Variants in ARHGAP28 observed in about 807,000 individuals in gnomAD.
ARHGAP28 encodes the protein rho GTPase-activating protein 28.
A neutral mutation model predicts 90.7 loss-of-function variants in ARHGAP28; 56 were observed. The ratio of observed to expected loss-of-function variants is 0.62; its 90% confidence interval spans 0.50 to 0.77. The LOEUF (loss-of-function observed/expected upper bound fraction) is 0.77. Among genes scored for constraint, ARHGAP28 ranks in the 30% least tolerant of loss-of-function variants. The pLI is 0.00. For missense variants in ARHGAP28, 869 were observed against 900.9 expected (o/e 0.96, Z 0.45); for synonymous variants, 308 against 323.3 (o/e 0.95, Z 0.51).
intron 3 of ARHGAP28, among the ~76,000 whole-genome samples, chr18:6,844,409 G>A (rs2056850416): frequency 6.6e-6 from 1 of 152,140 alleles, no homozygotes; most frequent in African/African-American, 2.4e-5. Context: ...AGTTGATAGT[G>A]TCTTCCACAG....
intron 5 of ARHGAP28, among the ~76,000 whole-genome samples, chr18:6,864,676 TTTA>T (rs1269934239): frequency 2.0e-5 from 3 of 151,974 alleles, no homozygotes; most frequent in Non-Finnish European, 4.4e-5. Context: ...ATTAATAAAC[TTTA>T]TTATTATTTA....
At chr18:6,770,190 ATCT>A (rs1388647736) in intron 1 of ARHGAP28, among the ~76,000 whole-genome samples, 2 of 152,220 alleles carry the variant, frequency 1.3e-5, no homozygotes, top group Non-Finnish European at 2.9e-5. Flanking sequence ...GACATAAATG[ATCT>A]TCTCTTACAA....
chr18:6,890,520 A>G lies in ARHGAP28; in HGVS notation c.1825A>G (p.Arg609Gly). The change falls in exon 14 of 18, where the codon AGG (arginine) becomes GGG (glycine). Residue 609 changes from arginine to glycine, a missense_variant. Arg to Gly is a moderately radical substitution (Grantham distance 125, BLOSUM62 -2). Coordinates refer to ENST00000383472, the MANE Select transcript of ARHGAP28 (RefSeq NM_001366230.1). ...GCTCCCAAGTGTCAGGAAGCTGCTCAGGAGGAAGACCCTCGAGCGGGAGGT... is the reference window on the plus strand; with the variant it reads ...GCTCCCAAGTGTCAGGAAGCTGCTCGGGAGGAAGACCCTCGAGCGGGAGGT... ...KQLPSVRKLL[R>G]RKTLERETAS... is the part of the protein sequence containing the mutation. 6.2e-7 allele frequency: 1 copy of G among 1,612,334 alleles called. No homozygotes were observed. The highest frequency in any genetic ancestry group is 8.5e-7 in the Non-Finnish European group (1 of 1,179,324).
chr18:6,864,769 T>C (rs1383175094), intron 5 of ARHGAP28, among the ~76,000 whole-genome samples: 1 of 152,126 alleles, frequency 6.6e-6, no homozygotes, highest in African/African-American at 2.4e-5. Flanking sequence ...ACTGCAGCCT[T>C]GAATGACTGG....
At chr18:6,908,211 C>T (rs1315447564) in intron 16 of ARHGAP28, among the ~76,000 whole-genome samples, 1 of 152,072 alleles carries the variant, frequency 6.6e-6, no homozygotes, top group Non-Finnish European at 1.5e-5. Context: ...GATCTCCACC[C>T]ACTGCAACCT....
intron 6 of ARHGAP28, 29 bp from the exon 7 acceptor site, chr18:6,870,561 A>G: frequency 6.4e-7 from 1 of 1,571,856 alleles, no homozygotes; most frequent in Non-Finnish European, 8.7e-7. Flanking sequence ...AGCATATTAA[A>G]TAGTCTGTAT....
intron 16 of ARHGAP28, among the ~76,000 whole-genome samples, chr18:6,905,707 A>G (rs1377365797): frequency 6.6e-6 from 1 of 152,204 alleles, no homozygotes; most frequent in Non-Finnish European, 1.5e-5. Context: ...AGATCACAGG[A>G]TACAAGATTA....
chr18:6,890,606 G>C, intron 14 of ARHGAP28, 63 bp downstream of exon 14: 1 of 949,910 alleles, frequency 1.1e-6, no homozygotes, highest in Non-Finnish European at 1.6e-6. Flanking sequence ...TCAAAGGGGG[G>C]CACAAAGTAG....
intron 1 of ARHGAP28, among the ~76,000 whole-genome samples, chr18:6,744,400 G>A (rs2056004771): frequency 6.6e-6 from 1 of 152,084 alleles, no homozygotes; most frequent in Admixed American, 6.5e-5. Context: ...ATTATGAGGG[G>A]CTCCATTAGT....
intron 4 of ARHGAP28, among the ~76,000 whole-genome samples, chr18:6,853,320 A>C (rs1050503156): frequency 4.6e-5 from 7 of 152,138 alleles, no homozygotes; most frequent in African/African-American, 1.7e-4. Context: ...TAACATCAAC[A>C]CAGACCTTAA....
chr18:6,774,713 C>T (rs959146565), intron 1 of ARHGAP28, among the ~76,000 whole-genome samples: 1 of 152,198 alleles, frequency 6.6e-6, no homozygotes, highest in Non-Finnish European at 1.5e-5. Flanking sequence ...AATTAATGCA[C>T]ATCTGTGGGC....
intron 4 of ARHGAP28, among the ~76,000 whole-genome samples, chr18:6,851,698 A>G (rs544214901): frequency 6.6e-6 from 1 of 152,346 alleles, no homozygotes; most frequent in East Asian, 1.9e-4. Context: ...TATATCCACA[A>G]AATGGAATAT....
chr18:6,911,489 G>A (rs1214333726), intron 17 of ARHGAP28, among the ~76,000 whole-genome samples: 1 of 151,980 alleles, frequency 6.6e-6, no homozygotes, highest in Non-Finnish European at 1.5e-5. Context: ...AGGCTGGAGT[G>A]CAATGGTGCG....
At chr18:6,801,652 T>C (rs776503194) in intron 1 of ARHGAP28, among the ~76,000 whole-genome samples, 26 of 152,288 alleles carry the variant, frequency 1.7e-4, no homozygotes, top group Non-Finnish European at 1.2e-4. Context: ...ATAATATACA[T>C]ATTTTGGGAG....
At chr18:6,873,204 G>A (rs2057103618) in intron 7 of ARHGAP28, among the ~76,000 whole-genome samples, 1 of 152,080 alleles carries the variant, frequency 6.6e-6, no homozygotes, top group Non-Finnish European at 1.5e-5. Context: ...TTAGACTGCT[G>A]TTTTGCTTCT....
intron 2 of ARHGAP28, among the ~76,000 whole-genome samples, chr18:6,828,860 C>CA (rs1462574841): frequency 2.0e-5 from 3 of 152,008 alleles, no homozygotes; most frequent in Non-Finnish European, 4.4e-5. Context: ...GTAAGACATC[C>CA]AAAAAAGACT....
At chr18:6,831,473 T>G (rs1366984371) in intron 2 of ARHGAP28, among the ~76,000 whole-genome samples, 19 of 9,928 alleles carry the variant, frequency 1.9e-3, no homozygotes, top group Admixed American at 7.4e-3. Flanking sequence ...ATCTTGATGT[T>G]TTTTTTTTTT....
At chr18:6,815,147 A>G (rs1302272285) in intron 1 of ARHGAP28, among the ~76,000 whole-genome samples, 2 of 152,226 alleles carry the variant, frequency 1.3e-5, no homozygotes, top group Non-Finnish European at 2.9e-5. Flanking sequence ...TAAATTGCAT[A>G]TTAGTTTTAA....
intron 1 of ARHGAP28, among the ~76,000 whole-genome samples, chr18:6,816,013 A>G (rs544656742): frequency 1.3e-5 from 2 of 151,966 alleles, no homozygotes; most frequent in African/African-American, 4.8e-5. Context: ...ATTTTTCTGT[A>G]TTCTTTGCTG....
Sources: gnomAD v4.1 joint callset for allele counts (sites outside exome capture counted in the v4.1 genomes callset) on GRCh38, gnomAD v4.1.1 for gene constraint, MANE v1.5 for transcripts, NCBI Gene and HGNC (gene_info 2026-07-23, HGNC 2026-07-21) for gene names.